Variants in KCNH7 observed in about 807,000 individuals in gnomAD.
KCNH7 encodes potassium voltage-gated channel subfamily H member 7.
KCNH7 carries 49 observed loss-of-function variants against 120.8 expected under a neutral mutation model. The ratio of observed to expected loss-of-function variants is 0.41; its 90% CI spans 0.32 to 0.51. The LOEUF (loss-of-function observed/expected upper bound fraction) is 0.51, where lower values mean the gene tolerates loss of function less well. KCNH7 is among the 20% of genes least tolerant of loss of function. The pLI is 0.38. For synonymous variants in KCNH7, 547 were observed against 516.1 expected, an observed-to-expected ratio of 1.06 and a Z score of -0.81; for missense variants, 1,097 against 1,446.6, an observed-to-expected ratio of 0.76 and a Z score of 3.92.
chr2:162,719,630 G>C (rs2105371203), intron 2 of KCNH7, among the ~76,000 whole-genome samples: 1 of 152,138 alleles, frequency 6.6e-6, no homozygotes, highest in East Asian at 1.9e-4. Flanking sequence ...AACAGATGGA[G>C]TGAAAACCCT....
intron 2 of KCNH7, among the ~76,000 whole-genome samples, chr2:162,626,577 G>A (rs1051443901): frequency 3.9e-5 from 6 of 152,128 alleles, no homozygotes; most frequent in African/African-American, 1.4e-4. Context: ...AGTTTGATGA[G>A]TATTGGACGC....
At chr2:162,625,807 G>C (rs1683534743) in intron 2 of KCNH7, among the ~76,000 whole-genome samples, 1 of 152,088 alleles carries the variant, frequency 6.6e-6, no homozygotes, top group East Asian at 1.9e-4. Context: ...ATTACGGGAG[G>C]AGTGAAATGA....
At chr2:162,739,558 G>C (rs781040851) in intron 2 of KCNH7, among the ~76,000 whole-genome samples, 4 of 152,118 alleles carry the variant, frequency 2.6e-5, no homozygotes, top group Non-Finnish European at 4.4e-5. Context: ...CATTGCTCCA[G>C]GTCCTACATG....
At chr2:162,475,205 CTG>C (rs1268929209) in intron 6 of KCNH7, among the ~76,000 whole-genome samples, 1 of 152,154 alleles carries the variant, frequency 6.6e-6, no homozygotes, top group Non-Finnish European at 1.5e-5. Flanking sequence ...GCGAATGACA[CTG>C]TTTAAAGATG....
chr2:162,642,767 T>A (rs1343667309), intron 2 of KCNH7, among the ~76,000 whole-genome samples: 1 of 152,172 alleles, frequency 6.6e-6, no homozygotes, highest in East Asian at 1.9e-4. Flanking sequence ...AAAATCCACA[T>A]CATCATGCAG....
intron 10 of KCNH7, among the ~76,000 whole-genome samples, chr2:162,398,188 A>G (rs1686968694): frequency 6.6e-6 from 1 of 151,824 alleles, no homozygotes. Context: ...GCTTCTTTTC[A>G]TTTTTAGAAA....
chr2:162,395,836 G>A (rs1419709804), intron 11 of KCNH7, among the ~76,000 whole-genome samples: 1 of 151,594 alleles, frequency 6.6e-6, no homozygotes, highest in Admixed American at 6.6e-5. Context: ...TATAACTACA[G>A]CAAGTGTTAA....
chr2:162,510,535 C>T lies in KCNH7; in HGVS notation c.913+2119G>A, dbSNP rs1691036064. On this transcript the variant is annotated intron_variant, in intron 5 of 15. Transcript: ENST00000332142. The stretch of plus-strand genomic sequence containing the variant: ...GCAAGGTATTTAGCCAATACCTCAC[C>T]TGACATGAATAAATCAGATGATATT... 2.0e-5 allele frequency among the ~76,000 whole-genome samples: 3 copies of T among 151,398 alleles called. No individual in the cohort carries two copies. In the South Asian group the frequency reaches 6.2e-4, roughly 32 times the overall value.
At chr2:162,586,978 T>G (rs982638436) in intron 2 of KCNH7, among the ~76,000 whole-genome samples, 1 of 152,098 alleles carries the variant, frequency 6.6e-6, no homozygotes. Flanking sequence ...ACACATATAT[T>G]TTTTCCTACA....
chr2:162,701,586 T>C (rs1368594081), intron 2 of KCNH7, among the ~76,000 whole-genome samples: 1 of 152,190 alleles, frequency 6.6e-6, no homozygotes, highest in African/African-American at 2.4e-5. Flanking sequence ...GTGGGGCATA[T>C]AACACATTGT....
chr2:162,467,723 G>A (rs1424237080), intron 6 of KCNH7, among the ~76,000 whole-genome samples: 1 of 152,278 alleles, frequency 6.6e-6, no homozygotes, highest in East Asian at 1.9e-4. Flanking sequence ...ACATTTATGT[G>A]CCGGAAGCTT....
chr2:162,821,336 A>T (rs1685115383), intron 2 of KCNH7, among the ~76,000 whole-genome samples: 1 of 152,246 alleles, frequency 6.6e-6, no homozygotes, highest in African/African-American at 2.4e-5. Context: ...CATGGAATTT[A>T]CAGAGGGATT....
At chr2:162,673,847 TA>T (rs1472870183) in intron 2 of KCNH7, among the ~76,000 whole-genome samples, 2 of 152,012 alleles carry the variant, frequency 1.3e-5, no homozygotes, top group African/African-American at 2.4e-5. Context: ...CATCTACTTA[TA>T]TTTTTTTACA....
chr2:162,388,665 A>T (rs1686651455), intron 12 of KCNH7, among the ~76,000 whole-genome samples: 1 of 151,946 alleles, frequency 6.6e-6, no homozygotes, highest in African/African-American at 2.4e-5. Flanking sequence ...ACCAGAATAG[A>T]ATTATCACTA....
chr2:162,647,516 C>T (rs559263069), intron 2 of KCNH7, among the ~76,000 whole-genome samples: 8 of 152,116 alleles, frequency 5.3e-5, no homozygotes, highest in Non-Finnish European at 1.0e-4. Context: ...TAATAAGCCC[C>T]ACATGTCAAG....
intron 2 of KCNH7, among the ~76,000 whole-genome samples, chr2:162,637,208 T>C (rs187613448): frequency 3.9e-5 from 6 of 152,200 alleles, no homozygotes; most frequent in Admixed American, 3.9e-4. Flanking sequence ...ATGTGGAGAA[T>C]TTCCACATTT....
intron 6 of KCNH7, among the ~76,000 whole-genome samples, chr2:162,502,688 A>G (rs1690724633): frequency 6.6e-6 from 1 of 151,914 alleles, no homozygotes; most frequent in Admixed American, 6.6e-5. Flanking sequence ...CTTTATTACC[A>G]TGCATTTCAT....
At chr2:162,638,635 T>C (rs78189850) in intron 2 of KCNH7, among the ~76,000 whole-genome samples, 2,667 of 152,206 alleles carry the variant, frequency 0.018, 89 homozygotes, top group African/African-American at 0.061. Context: ...TTGATGACTA[T>C]CAGCAATATG....
chr2:162,813,156 G>A (rs1684794088), intron 2 of KCNH7, among the ~76,000 whole-genome samples: 1 of 152,126 alleles, frequency 6.6e-6, no homozygotes, highest in Admixed American at 6.6e-5. Context: ...TGGAAATGTT[G>A]AAGGTGAGAG....
Sources: gnomAD v4.1 joint callset for allele counts (sites outside exome capture counted in the v4.1 genomes callset) on GRCh38, gnomAD v4.1.1 for gene constraint, MANE v1.5 for transcripts, NCBI Gene and HGNC (gene_info 2026-07-23, HGNC 2026-07-21) for gene names.